CEP152: variants seen among roughly 807,000 people sequenced by gnomAD.
CEP152 encodes centrosomal protein of 152 kDa.
A neutral mutation model predicts 188.9 loss-of-function variants in CEP152; 132 were observed. The ratio of observed to expected loss-of-function variants is 0.70; its 90% confidence interval spans 0.61 to 0.81. The LOEUF (loss-of-function observed/expected upper bound fraction) is 0.81. Ranked by LOEUF, CEP152 falls within the 30% of genes least tolerant of loss-of-function variation. The pLI is 0.00. For synonymous variants in CEP152, 649 were observed against 666.6 expected (o/e 0.97, Z 0.41); for missense variants, 1,914 against 1,969.8 (o/e 0.97, Z 0.54).
chr15:48,729,200 A>T (rs2140520585), intron 2 of CEP152: 1 of 152,340 alleles, frequency 6.6e-6, no homozygotes, highest in East Asian at 1.9e-4. Context: ...AAAAAAAGTT[A>T]TAACACATTA....
Position 48,756,570 on chromosome 15 carries a change from C to A in CEP152, c.2695-17G>T, listed in dbSNP as rs776392345. On this transcript the variant is annotated splice_polypyrimidine_tract_variant and intron_variant, in intron 19 of 26. Coordinates refer to ENST00000380950, the MANE Select transcript of CEP152 (RefSeq NM_001194998.2). ...AAATGATATCTAAAGAACATAACAACATGCATTTTGAAAGTCTTTATGATT... is the reference window on the plus strand; with the variant it reads ...AAATGATATCTAAAGAACATAACAAAATGCATTTTGAAAGTCTTTATGATT... 2.5e-6 allele frequency: 4 copies of A among 1,600,938 alleles called. No individual in the cohort carries two copies. The highest frequency in any genetic ancestry group is 1.1e-5 in the South Asian group (1 of 90,860).
chr15:48,785,273 T>G (rs1896550114), intron 9 of CEP152, among the ~76,000 whole-genome samples: 1 of 152,194 alleles, frequency 6.6e-6, no homozygotes, highest in African/African-American at 2.4e-5. Context: ...CCATGTGAAT[T>G]TTGTATTCTA....
chr15:48,762,322 G>T, intron 18 of CEP152, 69 bp downstream of exon 18: 1 of 1,355,154 alleles, frequency 7.4e-7, no homozygotes, highest in Non-Finnish European at 1.1e-6. Flanking sequence ...TTCAATGATA[G>T]CATTGTATGG....
At chr15:48,792,552 C>G (rs899847575) in intron 7 of CEP152, among the ~76,000 whole-genome samples, 1 of 152,082 alleles carries the variant, frequency 6.6e-6, no homozygotes, top group Non-Finnish European at 1.5e-5. Context: ...TGTGTTTATC[C>G]CAGACATGGC....
chr15:48,754,621 T>C (rs562789351), intron 20 of CEP152, among the ~76,000 whole-genome samples: 1 of 152,294 alleles, frequency 6.6e-6, no homozygotes, highest in East Asian at 1.9e-4. Flanking sequence ...GCAACATCTT[T>C]GTGAGGTCAA....
downstream of CEP152, among the ~76,000 whole-genome samples, chr15:48,734,323 A>C (rs187182998): frequency 1.3e-5 from 2 of 151,664 alleles, no homozygotes; most frequent in Admixed American, 1.3e-4. Context: ...GAAGTTAGTC[A>C]ATATTCATGT....
chr15:48,752,436 T>C lies in CEP152; in HGVS notation c.3379A>G (p.Ser1127Gly), dbSNP rs1268706714. ...NMAELSKDSA[S>G]QGTGQGDPGP... is the part of the protein sequence containing the mutation. ...GGGTCTCCTTGGCCAGTGCCCTGGC[T>C]GGCAGAATCCTTAGAGAGCTCGGCC... The change falls in exon 21 of 27, where the codon AGC becomes GGC. Residue 1127 changes from serine (S) to glycine (G), a missense_variant. Physicochemically the swap from Ser to Gly is moderately conservative, Grantham distance 56. Transcript: ENST00000380950. 8.7e-6 allele frequency: 14 copies of C among 1,613,764 alleles called. No homozygotes were observed. Among genetic ancestry groups the C allele is most frequent in the Non-Finnish European group, 1.2e-5 (14 of 1,180,032 alleles).
chr15:48,743,715 T>C (rs557701412), intron 24 of CEP152, among the ~76,000 whole-genome samples: 18 of 152,128 alleles, frequency 1.2e-4, no homozygotes, highest in African/African-American at 4.3e-4. Context: ...ATACAAAAAT[T>C]AGCTGGGTGT....
At chr15:48,746,961 G>A (rs969073222) in intron 22 of CEP152, among the ~76,000 whole-genome samples, 7 of 152,188 alleles carry the variant, frequency 4.6e-5, no homozygotes, top group African/African-American at 1.7e-4. Context: ...TGAAATCCAT[G>A]CTATGGCTCT....
rs1595672117 is a variant in CEP152 at position 48,784,080 on chromosome 15, A to G, written c.1214T>C (p.Leu405Pro). 1 of 1,613,782 alleles carries G rather than the reference A, an allele frequency of 6.2e-7. No individual in the cohort carries two copies. The highest frequency in any genetic ancestry group is 2.2e-5 in the East Asian group (1 of 44,856). The change falls in exon 10 of 27, where the codon CTG becomes CCG. Residue 405 changes from leucine (L) to proline (P), a missense_variant. By Grantham distance (98) the Leu-to-Pro change is moderately conservative. Transcript: ENST00000380950. The part of the protein sequence containing the change: ...CSRLKDHVKQ[L>P]ERNQEAIKLE... ...CTTGATTGCTTCTTGATTCCTTTCCAGTTGTTTCACGTGATCTTTCAGACG... is the reference window on the plus strand; with the variant it reads ...CTTGATTGCTTCTTGATTCCTTTCCGGTTGTTTCACGTGATCTTTCAGACG...
At chr15:48,805,697 A>G (rs769390651) in intron 1 of CEP152, 41 bp from the exon 2 acceptor site, 161 of 1,612,424 alleles carry the variant, frequency 1.0e-4, no homozygotes, top group Non-Finnish European at 9.8e-5. Flanking sequence ...GACACCACAT[A>G]AAATCTCCCC....
intron 13 of CEP152, among the ~76,000 whole-genome samples, chr15:48,771,815 G>C (rs1895549975): frequency 6.6e-6 from 1 of 152,118 alleles, no homozygotes; most frequent in Non-Finnish European, 1.5e-5. Flanking sequence ...ACTTATAATA[G>C]CCAACAGTTA....
chr15:48,756,459 T>C lies in CEP152; in HGVS notation c.2789A>G (p.Lys930Arg). The change falls in exon 20 of 27, where the codon AAG (lysine) becomes AGG (arginine). Residue 930 changes from lysine (K) to arginine (R), a missense_variant. Physicochemically the swap from Lys to Arg is conservative, Grantham distance 26. Transcript: ENST00000380950. The part of the protein sequence containing the change: ...NILPGKELEE[K>R]IHSLQKELEL... The stretch of plus-strand genomic sequence containing the variant: ...AAGTTCCTTCTGAAGAGAATGAATC[T>C]TCTCTTCCAATTCCTTTCCAGGAAG... 6.2e-7 allele frequency: 1 copy of C among 1,613,728 alleles called. No homozygotes were observed. The highest frequency in any genetic ancestry group is 8.5e-7 in the Non-Finnish European group (1 of 1,179,924).
chr15:48,758,800 T>C (rs562913957), intron 19 of CEP152, among the ~76,000 whole-genome samples: 2 of 150,538 alleles, frequency 1.3e-5, no homozygotes, highest in Non-Finnish European at 1.5e-5. Context: ...AAAGCCCAGA[T>C]AGCTATGCTT....
chr15:48,775,893 G>C (rs1050195547), intron 12 of CEP152, among the ~76,000 whole-genome samples: 1 of 149,418 alleles, frequency 6.7e-6, no homozygotes, highest in Non-Finnish European at 1.5e-5. Context: ...GTCTTTTATG[G>C]TATGTGAAAT....
At position 48,741,412 on chromosome 15, in the gene CEP152, T is replaced by C. The variant is rs150327437; in HGVS notation, c.4093+189A>G. 1,172 of 1,437,866 alleles carry C rather than the reference T, an allele frequency of 8.2e-4. 4 individuals carry two copies. In the African/African-American group the frequency reaches 0.015, roughly 19 times the overall value. 89.1% of individuals were successfully genotyped at this position (1,437,866 alleles called of 1,614,324 possible). ...AGCAGCAATAGGAAACTGATGGGCA[T>C]GCTCAGTCTGCCTACTTAAATTGGA... On this transcript the variant is annotated intron_variant, in intron 26 of 26. Coordinates refer to ENST00000380950, the MANE Select transcript of CEP152 (RefSeq NM_001194998.2).
Position 48,772,325 on chromosome 15 carries a change from C to T in CEP152, c.1782+162G>A, listed in dbSNP as rs7175027. Among the ~76,000 whole-genome samples the T allele has an allele frequency of 0.21, 31,308 of 151,810 alleles. 4,155 individuals carry two copies. The highest frequency in any genetic ancestry group is 0.47 in the East Asian group (2,409 of 5,144). ...ACTCAGGAGGCTGAGGTGGGAGCAT[C>T]GCTTTAGCCTGGGAGGTTGAGGCTA... On this transcript the variant is annotated intron_variant, in intron 13 of 26. Transcript: ENST00000380950.
chr15:48,738,381 T>G lies in CEP152; in HGVS notation c.5001A>C (p.Leu1667Phe). Reference protein sequence around the residue: ...GHPSRHKADRLKSDFKKLSST... With the variant: ...GHPSRHKADRFKSDFKKLSST... ...TGCTCAGTTTTTTGAAATCTGACTT[T>G]AATCTATCAGCCTTATGACGAGATG... The change falls in exon 27 of 27, where the codon TTA (leucine) becomes TTC (phenylalanine). Residue 1667 changes from leucine to phenylalanine, a missense_variant. Coordinates refer to ENST00000380950, the MANE Select transcript of CEP152 (RefSeq NM_001194998.2). 6.2e-7 allele frequency: 1 copy of G among 1,614,212 alleles called. No homozygotes were observed. The highest frequency in any genetic ancestry group is 8.5e-7 in the Non-Finnish European group (1 of 1,180,014).
chr15:48,734,816 T>G (rs1892543957), downstream of CEP152, among the ~76,000 whole-genome samples: 2 of 152,160 alleles, frequency 1.3e-5, no homozygotes, highest in South Asian at 4.1e-4. Context: ...CCAATTCATC[T>G]GAAAGGCATA....
Sources: allele counts gnomAD v4.1 joint callset (sites outside exome capture counted in the v4.1 genomes callset), GRCh38; gene constraint gnomAD v4.1.1; transcripts MANE v1.5; gene names NCBI Gene and HGNC (gene_info 2026-07-23, HGNC 2026-07-21).